Variants in PTGR1 observed in about 807,000 individuals in gnomAD.
The protein encoded by PTGR1 is 15-oxoprostaglandin 13-reductase.
A neutral mutation model predicts 37.7 loss-of-function variants in PTGR1; 23 were observed. The ratio of observed to expected loss-of-function variants is 0.61; its 90% CI spans 0.44 to 0.86. The LOEUF is 0.86. Among genes scored for constraint, PTGR1 ranks in the 40% least tolerant of loss-of-function variants. The pLI, the probability that PTGR1 is intolerant of heterozygous loss-of-function variation, is 0.00. For missense variants in PTGR1, 351 were observed against 394.3 expected (o/e 0.89, Z 0.93); for synonymous variants, 134 against 140.0 (o/e 0.96, Z 0.30).
At chr9:111,551,479 T>TCCACTG (rs1317633860) in intron 9 of PTGR1, among the ~76,000 whole-genome samples, 8 of 136,020 alleles carry the variant, frequency 5.9e-5, no homozygotes, top group African/African-American at 2.2e-4. Context: ...GCAATCTTGG[T>TCCACTG]CCACTGCAAC....
intron 1 of PTGR1, among the ~76,000 whole-genome samples, chr9:111,598,845 A>G (rs1829858268): frequency 6.6e-6 from 1 of 152,026 alleles, no homozygotes; most frequent in Non-Finnish European, 1.5e-5. Flanking sequence ...TGTTATTTCG[A>G]AATACACATT....
At chr9:111,587,759 A>G (rs913796387) in intron 4 of PTGR1, among the ~76,000 whole-genome samples, 1 of 152,104 alleles carries the variant, frequency 6.6e-6, no homozygotes, top group African/African-American at 2.4e-5. Flanking sequence ...TGTATTATAC[A>G]TATTTACATA....
chr9:111,557,062 T>C (rs1474377840), intron 9 of PTGR1, among the ~76,000 whole-genome samples: 1 of 152,206 alleles, frequency 6.6e-6, no homozygotes, highest in African/African-American at 2.4e-5. Context: ...ATCTCTGAAA[T>C]GCCCTGGAAG....
At chr9:111,558,635 A>G (rs529730368), downstream of PTGR1, among the ~76,000 whole-genome samples, 67 of 152,380 alleles carry the variant, frequency 4.4e-4, no homozygotes, top group African/African-American at 1.5e-3. Context: ...TGGAATTTAG[A>G]TAAGTTCATT....
chr9:111,570,586 T>C lies in PTGR1; in HGVS notation c.761-377A>G, dbSNP rs924860577. On this transcript the variant is annotated intron_variant, in intron 8 of 9. Transcript: ENST00000407693. ...GAGTTCGAGACCAGCCTGGCCAACA[T>C]AGTGAAACCCCCGTCTCTTCTAAAA... is the stretch of plus-strand genomic sequence containing the variant. Among the ~76,000 whole-genome samples, 5 of 150,414 alleles carry C rather than the reference T, an allele frequency of 3.3e-5. No individual in the cohort carries two copies. In the East Asian group the frequency reaches 7.8e-4, roughly 24 times the overall value.
chr9:111,561,148 G>GAAGAGAGA (rs1267075709), downstream of PTGR1, among the ~76,000 whole-genome samples: 7 of 34,846 alleles, frequency 2.0e-4, no homozygotes, highest in East Asian at 1.0e-3. Context: ...GGAGAGAGAG[G>GAAGAGAGA]GAGAGAGAGA....
At chr9:111,575,142 G>C (rs1019197765) in intron 7 of PTGR1, among the ~76,000 whole-genome samples, 1 of 152,002 alleles carries the variant, frequency 6.6e-6, no homozygotes, top group African/African-American at 2.4e-5. Flanking sequence ...CTCTACTAAA[G>C]ATACAAAAAA....
chr9:111,578,533 A>G (rs558361650), intron 7 of PTGR1, among the ~76,000 whole-genome samples: 6 of 152,294 alleles, frequency 3.9e-5, no homozygotes, highest in African/African-American at 1.4e-4. Context: ...TGCATAGTTC[A>G]CAACAGGGTT....
chr9:111,550,750 C>T (rs1827917513), intron 9 of PTGR1, among the ~76,000 whole-genome samples: 1 of 152,176 alleles, frequency 6.6e-6, no homozygotes, highest in Non-Finnish European at 1.5e-5. Flanking sequence ...GTTTTTATCT[C>T]TGCTGTCATA....
rs547002274 is a variant in PTGR1, at chr9:111,563,467, C to T, written c.880-236G>A. The stretch of plus-strand genomic sequence containing the variant: ...AAATAATAGGTGTCGGATCATAGTG[C>T]GAAATGTCATAAGGCAGTGATTAAG... On this transcript the variant is annotated intron_variant, in intron 9 of 9. Transcript: ENST00000407693. 184 of 383,610 alleles carry T rather than the reference C, an allele frequency of 4.8e-4. 2 individuals are homozygous for T. Among genetic ancestry groups the T allele is most frequent in the African/African-American group, 3.5e-3 (168 of 48,616 alleles). 23.8% of individuals were successfully genotyped at this position (383,610 alleles called of 1,614,324 possible).
At chr9:111,552,027 C>A (rs951653909) in intron 9 of PTGR1, among the ~76,000 whole-genome samples, 4 of 152,102 alleles carry the variant, frequency 2.6e-5, no homozygotes, top group South Asian at 2.1e-4. Flanking sequence ...TAAATAAATT[C>A]TTTTACCTGT....
At chr9:111,564,141 TAGAGAC>T in intron 9 of PTGR1, 1 of 572,446 alleles carries the variant, frequency 1.7e-6, no homozygotes, top group Non-Finnish European at 2.3e-6. Context: ...GGGTCTTATA[TAGAGAC>T]CTGAGTTACC....
intron 4 of PTGR1, among the ~76,000 whole-genome samples, chr9:111,587,663 G>A (rs887297234): frequency 3.9e-5 from 6 of 152,046 alleles, no homozygotes; most frequent in Non-Finnish European, 8.8e-5. Flanking sequence ...TATTGGGCAG[G>A]ATGGTCTTGA....
chr9:111,553,174 T>C (rs903879354), intron 9 of PTGR1, among the ~76,000 whole-genome samples: 6 of 152,216 alleles, frequency 3.9e-5, no homozygotes, highest in African/African-American at 1.2e-4. Context: ...TTATCTACTA[T>C]GTATCTTTAA....
At chr9:111,576,182 GCAAAAA>G (rs1397386644) in intron 7 of PTGR1, among the ~76,000 whole-genome samples, 3 of 151,556 alleles carry the variant, frequency 2.0e-5, no homozygotes, top group Non-Finnish European at 2.9e-5. Context: ...AAAAAAAAGG[GCAAAAA>G]CAAAAACAGA....
chr9:111,566,159 C>T (rs113091341), intron 9 of PTGR1, among the ~76,000 whole-genome samples: 9 of 152,150 alleles, frequency 5.9e-5, no homozygotes, highest in South Asian at 2.1e-4. Flanking sequence ...GCTGAGATCG[C>T]GCCACTGCAC....
At chr9:111,589,431 G>A (rs1228071326) in intron 4 of PTGR1, 1 of 857,108 alleles carries the variant, frequency 1.2e-6, no homozygotes, top group Non-Finnish European at 1.4e-6. Context: ...GAGATGTTTG[G>A]TTTTTTTAAG....
chr9:111,561,173 G>GAGAGAGAA (rs1564608220), downstream of PTGR1, among the ~76,000 whole-genome samples: 31 of 120,738 alleles, frequency 2.6e-4, 1 homozygote, highest in East Asian at 1.2e-3. Flanking sequence ...GAGAGAGAGA[G>GAGAGAGAA]AGAGAAAGAG....
At position 111,592,986 on chromosome 9, in the gene PTGR1, C is replaced by CAAAAAAA. The variant is rs58142522; in HGVS notation, c.153-11_153-5dup. On this transcript the variant is annotated splice_polypyrimidine_tract_variant and splice_region_variant and intron_variant, in intron 3 of 9. Coordinates refer to ENST00000407693, the MANE Select transcript of PTGR1 (RefSeq NM_001146108.2). ...CTTCAATCTTTTGGCTGCCACTCTG[C>CAAAAAAA]AAAAAAAAAAAAAAAAAAAAAAAAA... 1.3e-4 allele frequency: 121 copies of CAAAAAAA among 961,314 alleles called. No individual in the cohort carries two copies. Among genetic ancestry groups the CAAAAAAA allele is most frequent in the African/African-American group, 6.0e-4 (18 of 30,014 alleles). The allele number at this position is 961,314 out of a possible 1,614,324, so 59.5% of individuals were successfully genotyped here.
Sources: gnomAD v4.1 joint callset for allele counts (sites outside exome capture counted in the v4.1 genomes callset) on GRCh38, gnomAD v4.1.1 for gene constraint, MANE v1.5 for transcripts, NCBI Gene and HGNC (gene_info 2026-07-23, HGNC 2026-07-21) for gene names.